The following TNIK variants were observed in gnomAD, a reference collection of about 807,000 sequenced individuals.
The protein encoded by TNIK is TRAF2 and NCK interacting kinase.
TNIK carries 49 observed loss-of-function variants against 191.3 expected under a neutral mutation model. The ratio of observed to expected loss-of-function variants is 0.26; its 90% confidence interval spans 0.20 to 0.32. The LOEUF is 0.32. Among genes scored for constraint, TNIK ranks in the 10% least tolerant of loss-of-function variants. TNIK has a pLI of 1.00. For missense variants in TNIK, 1,155 were observed against 1,702.3 expected (o/e 0.68, Z 5.66); for synonymous variants, 594 against 600.9 (o/e 0.99, Z 0.17).
chr3:171,114,791 T>A (rs935399538), intron 18 of TNIK, among the ~76,000 whole-genome samples: 1 of 151,978 alleles, frequency 6.6e-6, no homozygotes, highest in Non-Finnish European at 1.5e-5. Context: ...GAAGTAACTA[T>A]TTTTATGACA....
At chr3:171,265,362 G>A (rs990066300) in intron 2 of TNIK, among the ~76,000 whole-genome samples, 69 of 152,312 alleles carry the variant, frequency 4.5e-4, no homozygotes, top group African/African-American at 1.6e-3. Flanking sequence ...TTTTAAAGAT[G>A]TGTGGATGCT....
intron 28 of TNIK, among the ~76,000 whole-genome samples, chr3:171,073,062 A>G (rs910960719): frequency 6.6e-6 from 1 of 152,208 alleles, no homozygotes; most frequent in Non-Finnish European, 1.5e-5. Context: ...TAAAATTCAT[A>G]TGGAACCAAA....
intron 2 of TNIK, among the ~76,000 whole-genome samples, chr3:171,347,681 A>AG (rs1175593202): frequency 9.2e-5 from 14 of 152,228 alleles, no homozygotes; most frequent in African/African-American, 3.1e-4. Flanking sequence ...TTTCGGTTTG[A>AG]GTGGGGAAGT....
intron 2 of TNIK, among the ~76,000 whole-genome samples, chr3:171,244,068 T>TTTG (rs994022575): frequency 3.3e-5 from 5 of 150,974 alleles, no homozygotes; most frequent in Admixed American, 6.6e-5. Flanking sequence ...TAGTTTTTTT[T>TTTG]TTTTTTTTTT....
intron 6 of TNIK, 119 bp downstream of exon 6, chr3:171,190,578 C>T: frequency 2.8e-6 from 2 of 725,020 alleles, no homozygotes; most frequent in Non-Finnish European, 2.1e-6. Flanking sequence ...TTTTCCTTTC[C>T]ATTTTTAGGG....
intron 11 of TNIK, among the ~76,000 whole-genome samples, chr3:171,160,944 C>T (rs1483120949): frequency 6.6e-6 from 1 of 152,154 alleles, no homozygotes; most frequent in Non-Finnish European, 1.5e-5. Flanking sequence ...TAGAAAGTTG[C>T]AGTTTTAAGT....
chr3:171,105,294 T>C (rs891828691), intron 21 of TNIK, among the ~76,000 whole-genome samples: 4 of 152,168 alleles, frequency 2.6e-5, no homozygotes, highest in African/African-American at 9.7e-5. Context: ...TAATTCTTTA[T>C]TGTAGGGAGT....
intron 23 of TNIK, among the ~76,000 whole-genome samples, chr3:171,090,703 C>T (rs1721949926): frequency 6.6e-6 from 1 of 152,132 alleles, no homozygotes; most frequent in African/African-American, 2.4e-5. Flanking sequence ...CTTCCATGGA[C>T]AAATGGCAGC....
At chr3:171,294,786 T>A (rs1360497020) in intron 2 of TNIK, among the ~76,000 whole-genome samples, 1 of 152,056 alleles carries the variant, frequency 6.6e-6, no homozygotes, top group African/African-American at 2.4e-5. Context: ...GGGGAAAGAT[T>A]GTAGTAAATA....
chr3:171,253,192 G>C (rs1293168035), intron 2 of TNIK, among the ~76,000 whole-genome samples: 1 of 151,106 alleles, frequency 6.6e-6, no homozygotes, highest in Non-Finnish European at 1.5e-5. Flanking sequence ...GTTGAGGCAG[G>C]AGAATGGCGT....
chr3:171,212,105 T>C (rs1191182165), intron 3 of TNIK, among the ~76,000 whole-genome samples: 2 of 152,176 alleles, frequency 1.3e-5, no homozygotes, highest in African/African-American at 4.8e-5. Context: ...AGCAGTAAGC[T>C]ATGACTGTCC....
chr3:171,307,975 G>A (rs1753632326), intron 2 of TNIK, among the ~76,000 whole-genome samples: 1 of 152,110 alleles, frequency 6.6e-6, no homozygotes, highest in South Asian at 2.1e-4. Context: ...TGGAAGAATC[G>A]ATATTGTTAA....
intron 13 of TNIK, among the ~76,000 whole-genome samples, chr3:171,140,065 A>G (rs1461170955): frequency 6.6e-6 from 1 of 152,226 alleles, no homozygotes; most frequent in Non-Finnish European, 1.5e-5. Flanking sequence ...CAGAGATGGC[A>G]TGAGTAGAAA....
chr3:171,096,919 A>G (rs1013514556), intron 22 of TNIK, among the ~76,000 whole-genome samples: 2 of 152,238 alleles, frequency 1.3e-5, no homozygotes, highest in Non-Finnish European at 2.9e-5. Context: ...TGAATTGATA[A>G]GTAATTGGCT....
chr3:171,228,328 TG>T, intron 2 of TNIK, 107 bp from the exon 3 acceptor site: 4 of 1,118,734 alleles, frequency 3.6e-6, no homozygotes, highest in Non-Finnish European at 5.2e-6. Context: ...ACTATGTCAA[TG>T]GGGGGAGAGA....
At chr3:171,347,831 A>G (rs1712512180) in intron 2 of TNIK, among the ~76,000 whole-genome samples, 1 of 152,192 alleles carries the variant, frequency 6.6e-6, no homozygotes, top group Non-Finnish European at 1.5e-5. Flanking sequence ...CTTAAAAAGG[A>G]GGTAAAAGCA....
intron 10 of TNIK, among the ~76,000 whole-genome samples, chr3:171,165,544 C>G (rs1734510796): frequency 6.6e-6 from 1 of 152,344 alleles, no homozygotes; most frequent in Non-Finnish European, 1.5e-5. Flanking sequence ...ACCGCCCCCA[C>G]CGCTAGTCCC....
At chr3:171,422,375 CA>C (rs1354004514) in intron 1 of TNIK, among the ~76,000 whole-genome samples, 1 of 152,024 alleles carries the variant, frequency 6.6e-6, no homozygotes, top group Non-Finnish European at 1.5e-5. Context: ...GAATTCAAAC[CA>C]AACACACTGT....
intron 18 of TNIK, among the ~76,000 whole-genome samples, chr3:171,122,800 G>T (rs1384718978): frequency 1.3e-5 from 2 of 152,116 alleles, no homozygotes; most frequent in Non-Finnish European, 2.9e-5. Flanking sequence ...TATTTCAGTT[G>T]ATCCTAAAAA....
Sources: gnomAD v4.1 joint callset for allele counts (sites outside exome capture counted in the v4.1 genomes callset) on GRCh38, gnomAD v4.1.1 for gene constraint, MANE v1.5 for transcripts, NCBI Gene and HGNC (gene_info 2026-07-23, HGNC 2026-07-21) for gene names.